LRRC49: variants seen among roughly 807,000 people sequenced by gnomAD.
LRRC49 encodes the protein leucine-rich repeat-containing protein 49.
Under a neutral mutation model 83.3 loss-of-function variants are expected in LRRC49, and 50 were observed. The observed-to-expected ratio is 0.60, with a 90% confidence interval of 0.48 to 0.76. LRRC49 has a LOEUF of 0.76. Among genes scored for constraint, LRRC49 ranks in the 30% least tolerant of loss-of-function variants. LRRC49 has a pLI of 0.00. For synonymous variants in LRRC49, 286 were observed against 283.3 expected (o/e 1.01, Z -0.10); for missense variants, 704 against 809.1 (o/e 0.87, Z 1.58).
chr15:70,918,055 A>C (rs557578340), intron 6 of LRRC49, among the ~76,000 whole-genome samples: 1 of 152,340 alleles, frequency 6.6e-6, no homozygotes, highest in South Asian at 2.1e-4. Flanking sequence ...CTGTGTTCTC[A>C]GTGCCAGCTG....
At chr15:70,940,874 A>G (rs2035789984) in intron 8 of LRRC49, among the ~76,000 whole-genome samples, 1 of 152,236 alleles carries the variant, frequency 6.6e-6, no homozygotes. Context: ...GTACCCATTT[A>G]TCTACTGAAC....
upstream of LRRC49, among the ~76,000 whole-genome samples, chr15:70,889,991 G>C (rs1370176300): frequency 1.3e-5 from 2 of 152,122 alleles, no homozygotes; most frequent in Non-Finnish European, 2.9e-5. Flanking sequence ...CAGTTTTCTA[G>C]TAATTCAGCA....
At chr15:70,912,155 G>A (rs2034575005) in intron 6 of LRRC49, among the ~76,000 whole-genome samples, 1 of 152,072 alleles carries the variant, frequency 6.6e-6, no homozygotes, top group Admixed American at 6.5e-5. Flanking sequence ...AGTAGCTATA[G>A]TTTTATTTAT....
intron 8 of LRRC49, among the ~76,000 whole-genome samples, chr15:70,955,427 C>T (rs1380370724): frequency 1.3e-5 from 2 of 152,122 alleles, no homozygotes; most frequent in African/African-American, 4.8e-5. Context: ...TAGTCTTAGC[C>T]CCAAGCTTTG....
chr15:71,029,290 A>G (rs980116327), intron 14 of LRRC49, among the ~76,000 whole-genome samples: 1 of 152,090 alleles, frequency 6.6e-6, no homozygotes, highest in Non-Finnish European at 1.5e-5. Flanking sequence ...AGAGTGTTCA[A>G]TTTCCATGTA....
At chr15:71,004,647 TA>T (rs35055682) in intron 11 of LRRC49, among the ~76,000 whole-genome samples, 1,553 of 121,716 alleles carry the variant, frequency 0.013, 11 homozygotes, top group Admixed American at 0.042. Context: ...GAAACTGTGT[TA>T]AAAAAAAAAA....
At chr15:70,892,450 G>A (rs1305720357), upstream of LRRC49, 4 of 1,534,442 alleles carry the variant, frequency 2.6e-6, no homozygotes, top group Non-Finnish European at 3.5e-6. Flanking sequence ...CCCAATGGGA[G>A]GGCTCTTTGA....
chr15:70,891,975 C>T (rs1404464180), upstream of LRRC49: 2 of 1,613,512 alleles, frequency 1.2e-6, no homozygotes, highest in Non-Finnish European at 1.7e-6. Flanking sequence ...CCCTCCTCTC[C>T]CCTCTTAGGT....
intron 1 of LRRC49, among the ~76,000 whole-genome samples, chr15:70,858,373 G>A (rs772262303): frequency 6.6e-6 from 1 of 152,102 alleles, no homozygotes; most frequent in Non-Finnish European, 1.5e-5. Flanking sequence ...AGGCCGAGGC[G>A]GGCAAATCAC....
chr15:71,031,190 T>G (rs903609848), intron 14 of LRRC49, among the ~76,000 whole-genome samples: 17 of 152,208 alleles, frequency 1.1e-4, no homozygotes, highest in African/African-American at 4.1e-4. Context: ...GGTTTTTGTG[T>G]GGGGATCCTT....
At chr15:70,864,167 G>A (rs1352789239) in intron 1 of LRRC49, among the ~76,000 whole-genome samples, 1 of 152,192 alleles carries the variant, frequency 6.6e-6, no homozygotes, top group Non-Finnish European at 1.5e-5. Flanking sequence ...CTTGGGCAGT[G>A]TTTGAGGGGC....
intron 3 of LRRC49, among the ~76,000 whole-genome samples, chr15:70,897,676 C>T (rs1299062908): frequency 6.6e-6 from 1 of 152,148 alleles, no homozygotes; most frequent in Non-Finnish European, 1.5e-5. Context: ...CAAAATTAAT[C>T]AAACATATCA....
chr15:70,969,294 G>C (rs1490192090), intron 9 of LRRC49, among the ~76,000 whole-genome samples: 1 of 152,144 alleles, frequency 6.6e-6, no homozygotes, highest in Admixed American at 6.5e-5. Context: ...GATGGTTGTA[G>C]ATGTGTGGCA....
intron 5 of LRRC49, among the ~76,000 whole-genome samples, chr15:70,906,916 A>G (rs1317639716): frequency 6.6e-6 from 1 of 152,200 alleles, no homozygotes; most frequent in Middle Eastern, 3.2e-3. Context: ...TTCTAGAACT[A>G]TTAGTGTTCT....
At position 70,984,255 on chromosome 15, in the gene LRRC49, A is replaced by G. The variant is rs749589585; in HGVS notation, c.1167A>G (p.Thr389=). 6 of 1,602,136 alleles carry G rather than the reference A, an allele frequency of 3.7e-6. No homozygotes were observed. The South Asian group carries it at 5.7e-5, about 15-fold the overall frequency. Reference sequence around the variant, plus strand: ...CCCTCTCTGCATTCCCAGAGGAAACAGGGTATGCAATGGTATTTTTTCAAG... The same window carrying G: ...CCCTCTCTGCATTCCCAGAGGAAACGGGGTATGCAATGGTATTTTTTCAAG... ...GSTLSAFPEE[T]GPLDSGLNNA... The change falls in exon 11 of 16, where the codon ACA becomes ACG. Residue 389 remains threonine, a splice_region_variant and synonymous_variant. Coordinates refer to ENST00000260382, the MANE Select transcript of LRRC49 (RefSeq NM_017691.5).
At chr15:70,916,029 C>T (rs1425752851) in intron 6 of LRRC49, among the ~76,000 whole-genome samples, 1 of 152,146 alleles carries the variant, frequency 6.6e-6, no homozygotes, top group Non-Finnish European at 1.5e-5. Flanking sequence ...TTCAAATATA[C>T]TGTGATGGCA....
chr15:70,982,841 CA>C (rs2037454127), intron 10 of LRRC49, among the ~76,000 whole-genome samples: 1 of 152,172 alleles, frequency 6.6e-6, no homozygotes, highest in South Asian at 2.1e-4. Flanking sequence ...TTAAGCAAGC[CA>C]TATCACTTTT....
At chr15:70,926,137 A>C (rs542218828) in intron 7 of LRRC49, among the ~76,000 whole-genome samples, 3 of 152,214 alleles carry the variant, frequency 2.0e-5, no homozygotes, top group Non-Finnish European at 4.4e-5. Context: ...CCATTGTTGA[A>C]ATATCATACA....
At chr15:70,995,904 G>A (rs1000243087) in intron 11 of LRRC49, among the ~76,000 whole-genome samples, 1 of 152,146 alleles carries the variant, frequency 6.6e-6, no homozygotes, top group Admixed American at 6.5e-5. Context: ...CCACAAAGTC[G>A]TTAGCTTTTA....
Sources: gnomAD v4.1 joint callset for allele counts (sites outside exome capture counted in the v4.1 genomes callset) on GRCh38, gnomAD v4.1.1 for gene constraint, MANE v1.5 for transcripts, NCBI Gene and HGNC (gene_info 2026-07-23, HGNC 2026-07-21) for gene names.